DNAH5: variants seen among roughly 807,000 people sequenced by gnomAD.
DNAH5 encodes axonemal beta dynein heavy chain 5.
A neutral mutation model predicts 518.2 loss-of-function variants in DNAH5; 372 were observed. That is an observed-to-expected ratio of 0.72 (90% CI 0.66 to 0.78). DNAH5 has a LOEUF of 0.78. Ranked by LOEUF, DNAH5 falls within the 30% of genes least tolerant of loss-of-function variation. The pLI is 0.00. For missense variants in DNAH5, 5,523 were observed against 5,687.0 expected (o/e 0.97, Z 0.93); for synonymous variants, 2,039 against 2,025.9 (o/e 1.01, Z -0.17).
intron 56 of DNAH5, among the ~76,000 whole-genome samples, chr5:13,770,380 G>T (rs1213509785): frequency 1.3e-5 from 2 of 152,154 alleles, no homozygotes; most frequent in South Asian, 2.1e-4. Context: ...TCCCGTCCAG[G>T]TCTATTATTT....
chr5:13,901,121 G>T, intron 14 of DNAH5, 131 bp downstream of exon 14: 1 of 904,654 alleles, frequency 1.1e-6, no homozygotes, highest in Non-Finnish European at 1.7e-6. Context: ...CACTCTGAAC[G>T]CTTAGATTCA....
intron 1 of DNAH5, among the ~76,000 whole-genome samples, chr5:13,992,730 T>C (rs1025166456): frequency 1.1e-4 from 16 of 152,196 alleles, no homozygotes; most frequent in African/African-American, 3.9e-4. Context: ...TATTTCCCAA[T>C]ACTAAAAGGA....
chr5:13,991,979 C>G (rs994567037), intron 1 of DNAH5, among the ~76,000 whole-genome samples: 1 of 152,058 alleles, frequency 6.6e-6, no homozygotes, highest in African/African-American at 2.4e-5. Context: ...GCAGAATGAA[C>G]GGACTTTTAA....
intron 12 of DNAH5, among the ~76,000 whole-genome samples, chr5:13,910,961 C>T (rs955574729): frequency 2.6e-5 from 4 of 152,286 alleles, no homozygotes; most frequent in South Asian, 2.1e-4. Context: ...TCGGTCCTGG[C>T]GCCACCGTTT....
chr5:13,776,511 T>G lies in DNAH5; in HGVS notation c.9301A>C (p.Lys3101Gln), dbSNP rs371436275. 6.7e-5 allele frequency: 108 copies of G among 1,613,784 alleles called. No individual in the cohort carries two copies. Among genetic ancestry groups the G allele is most frequent in the Non-Finnish European group, 8.9e-5 (105 of 1,179,844 alleles). Residue 3101 changes from lysine to glutamine, a missense_variant, in exon 55 of 79, where the codon AAG becomes CAG. Around this residue, in one of 3 missense-constraint regions of DNAH5, gnomAD observed 5,121 missense variants for 5,223.3 expected, o/e 0.98. Transcript: ENST00000265104. ...VGEKFRNRAL[K>Q]FPALISGCTI... ...CATCCTGAAATTAGGGCAGGGAACTTCAAAGCTCTGTTTCGAAATTTCTCC... is the reference window on the plus strand; with the variant it reads ...CATCCTGAAATTAGGGCAGGGAACTGCAAAGCTCTGTTTCGAAATTTCTCC...
chr5:13,803,664 T>G (rs1202098545), intron 47 of DNAH5, among the ~76,000 whole-genome samples: 1 of 152,214 alleles, frequency 6.6e-6, no homozygotes, highest in African/African-American at 2.4e-5. Context: ...CTTTCACATA[T>G]TATCTCTTAG....
intron 65 of DNAH5, among the ~76,000 whole-genome samples, chr5:13,741,779 G>C (rs1748583730): frequency 6.6e-6 from 1 of 152,150 alleles, no homozygotes; most frequent in Non-Finnish European, 1.5e-5. Context: ...AGTAGAAAGA[G>C]TGATGGTTTT....
chr5:13,717,202 T>G, intron 73 of DNAH5, 113 bp downstream of exon 73: 1 of 1,003,186 alleles, frequency 1.0e-6, no homozygotes, highest in South Asian at 1.4e-5. Flanking sequence ...AAGATGACTT[T>G]GCAAGCACAG....
chr5:13,758,975 CA>C lies in DNAH5; in HGVS notation c.10289del (p.Leu3430TrpfsTer40). On this transcript the variant is annotated frameshift_variant, in exon 61 of 79. Transcript: ENST00000265104. LOFTEE classifies it high-confidence loss of function. ...NKEVLPLKAN[L>X]VVQENRHLLA... ...GGAGATGGCGATTCTCTTGCACCAC[CA>C]AGTTGGCCTGCACAGGACACACACA... is the stretch of plus-strand genomic sequence containing the variant. The C allele has an allele frequency of 6.2e-7, 1 of 1,614,104 alleles. No individual in the cohort carries two copies. Among genetic ancestry groups the C allele is most frequent in the South Asian group, 1.1e-5 (1 of 91,082 alleles).
chr5:13,908,554 T>C (rs897101648), intron 12 of DNAH5, among the ~76,000 whole-genome samples: 12 of 152,232 alleles, frequency 7.9e-5, no homozygotes, highest in Non-Finnish European at 1.2e-4. Flanking sequence ...GTCTGGGTTG[T>C]GGAATCTTCA....
chr5:13,852,187 G>A (rs1209141715), intron 30 of DNAH5, among the ~76,000 whole-genome samples: 1 of 152,074 alleles, frequency 6.6e-6, no homozygotes, highest in Non-Finnish European at 1.5e-5. Flanking sequence ...TTGTTTCTGT[G>A]ATGGAGTTTC....
chr5:13,714,564 G>T lies in DNAH5; in HGVS notation c.12966C>A (p.Ile4322=). 1 of 1,614,172 alleles carries T rather than the reference G, an allele frequency of 6.2e-7. No individual in the cohort carries two copies. The highest frequency in any genetic ancestry group is 8.5e-7 in the Non-Finnish European group (1 of 1,180,026). Reference sequence around the variant, plus strand: ...CCTTGGCCAGCTTGCTCTGGTAGGTGATGTCAGCATTGGGGTGCAGCCCAA... The same window carrying T: ...CCTTGGCCAGCTTGCTCTGGTAGGTTATGTCAGCATTGGGGTGCAGCCCAA... ...EVFGLHPNAD[I]TYQSKLAKDV... is the part of the protein sequence containing the mutation. The change falls in exon 75 of 79, where the codon ATC becomes ATA. Residue 4322 remains isoleucine (I), a synonymous_variant. Coordinates refer to ENST00000265104, the MANE Select transcript of DNAH5 (RefSeq NM_001369.3).
intron 69 of DNAH5, 56 bp from the exon 70 acceptor site, chr5:13,727,712 C>T (rs1484175022): frequency 6.3e-7 from 1 of 1,595,460 alleles, no homozygotes; most frequent in African/African-American, 1.3e-5. Flanking sequence ...CTTTCAGTAA[C>T]AGGTCATAGA....
chr5:13,864,632 C>T lies in DNAH5; in HGVS notation c.4361G>A (p.Arg1454Gln), dbSNP rs542708170. 228 of 1,614,038 alleles carry T rather than the reference C, an allele frequency of 1.4e-4. No individual in the cohort carries two copies. Among genetic ancestry groups the T allele is most frequent in the Non-Finnish European group, 1.7e-4 (199 of 1,179,988 alleles). Residue 1454 changes from arginine to glutamine, a missense_variant, in exon 28 of 79, where the codon CGA (arginine) becomes CAA (glutamine). Physicochemically the swap from Arg to Gln is conservative, Grantham distance 43 (BLOSUM62 1). Transcript: ENST00000265104. ...NELLEFQNRC[R>Q]KLPRALKDWQ... Reference sequence around the variant, plus strand: ...GTCCTTCAAGGCCCGGGGAAGCTTTCGACATCTGTGAAGGGACACCAACAT... The same window carrying T: ...GTCCTTCAAGGCCCGGGGAAGCTTTTGACATCTGTGAAGGGACACCAACAT...
chr5:13,794,991 C>A (rs1339216068), intron 47 of DNAH5, among the ~76,000 whole-genome samples: 1 of 151,932 alleles, frequency 6.6e-6, no homozygotes, highest in Non-Finnish European at 1.5e-5. Context: ...AATAAATAAA[C>A]CTTCATTGCA....
In DNAH5 at chr5:13,731,874, C is replaced by T. The variant is rs1227823635; in HGVS notation, c.11762-2314G>A. On this transcript the variant is annotated intron_variant, in intron 68 of 78. Transcript: ENST00000265104. Reference sequence around the variant, plus strand: ...TGAGGCCAAGAGCAGTGTCCCACATCTGTCATCCCAGGACTTTGGGAGGAA... The same window carrying T: ...TGAGGCCAAGAGCAGTGTCCCACATTTGTCATCCCAGGACTTTGGGAGGAA... Among the ~76,000 whole-genome samples, 4 of 152,284 alleles carry T rather than the reference C, an allele frequency of 2.6e-5. No individual in the cohort carries two copies. The South Asian group carries it at 8.3e-4, about 32-fold the overall frequency.
At position 13,758,903 on chromosome 5, in the gene DNAH5, C is replaced by A; in HGVS notation, c.10362G>T (p.Lys3454Asn). The change falls in exon 61 of 79, where the codon AAG becomes AAT. Residue 3454 changes from lysine to asparagine, a missense_variant. Physicochemically the swap from Lys to Asn is moderately conservative, Grantham distance 94 (BLOSUM62 0). Coordinates refer to ENST00000265104, the MANE Select transcript of DNAH5 (RefSeq NM_001369.3). The part of the protein sequence containing the change: ...LQKAQAELDD[K>N]QAELDVVQAE... The stretch of plus-strand genomic sequence containing the variant: ...CCTGCACCACGTCAAGTTCCGCCTG[C>A]TTGTCATCCAACTCGGCCTGGGCTT... 1 of 1,614,196 alleles carries A rather than the reference C, an allele frequency of 6.2e-7. No homozygotes were observed. The highest frequency in any genetic ancestry group is 1.1e-5 in the South Asian group (1 of 91,086).
chr5:13,937,298 T>A (rs1185875396), intron 1 of DNAH5, among the ~76,000 whole-genome samples: 3 of 149,974 alleles, frequency 2.0e-5, no homozygotes, highest in Non-Finnish European at 4.4e-5. Flanking sequence ...ACAAGGGTTA[T>A]ACGAGGAGTT....
chr5:13,887,661 T>C (rs555233761), intron 17 of DNAH5, among the ~76,000 whole-genome samples: 79 of 152,306 alleles, frequency 5.2e-4, no homozygotes, highest in African/African-American at 1.8e-3. Context: ...CGCCATGTCT[T>C]CTCAAGGTCT....
Sources: gnomAD v4.1 joint callset for allele counts (sites outside exome capture counted in the v4.1 genomes callset) on GRCh38, gnomAD v4.1.1 for gene constraint, gnomAD v4.1.1 regional missense constraint, MANE v1.5 for transcripts, NCBI Gene and HGNC (gene_info 2026-07-23, HGNC 2026-07-21) for gene names.